Variants in SAT2 observed in about 807,000 individuals in gnomAD.
SAT2 encodes the protein thialysine N-epsilon-acetyltransferase.
Under a neutral mutation model 24.8 loss-of-function variants are expected in SAT2, and 19 were observed. The ratio of observed to expected loss-of-function variants is 0.77; its 90% CI spans 0.53 to 1.12. The LOEUF (loss-of-function observed/expected upper bound fraction) is 1.12. Ranked by LOEUF, SAT2 falls within the 50% of genes most tolerant of loss-of-function variation. SAT2 has a pLI of 0.00. For missense variants in SAT2, 190 were observed against 210.7 expected (o/e 0.90, Z 0.61); for synonymous variants, 77 against 77.4 (o/e 0.99, Z 0.03).
Position 7,627,145 on chromosome 17 carries a change from A to G in SAT2, c.200T>C (p.Leu67Pro), listed in dbSNP as rs2072237799. The G allele has an allele frequency of 6.2e-7, 1 of 1,614,042 alleles. No individual in the cohort carries two copies. The highest frequency in any genetic ancestry group is 8.5e-7 in the Non-Finnish European group (1 of 1,180,034). ...TTCTAAGGGCCAGGTGCTCTTACCC[A>G]GTAGCTTCCCGGGCGCTGGAAGAAT... ...AEILPAPGKL[L>P]GPCVVGYGIY... The change falls in exon 3 of 6, where the codon CTG (leucine) becomes CCG (proline). Residue 67 changes from leucine (L) to proline (P), a missense_variant and splice_region_variant. Physicochemically the swap from Leu to Pro is moderately conservative, Grantham distance 98. Transcript: ENST00000269298. This position sits in a 1 kb window ranked among gnomAD's most constrained non-coding sequence, Gnocchi z 4.8.
chr17:7,627,611 C>T lies in SAT2; in HGVS notation c.25G>A (p.Ala9Thr), dbSNP rs141081070. Residue 9 changes from alanine (A) to threonine (T), a missense_variant, in exon 1 of 6, where the codon GCC becomes ACC. Coordinates refer to ENST00000269298, the MANE Select transcript of SAT2 (RefSeq NM_133491.5). This position sits in a 1 kb window ranked among gnomAD's most constrained non-coding sequence, Gnocchi z 4.8. Reference protein sequence around the residue: MASVRIREAKEGDCGDILR... With the variant: MASVRIRETKEGDCGDILR... ...ATATCTCCACAGTCTCCCTCCTTGG[C>T]CTCTCGGATCCGCACGGAAGCCATC... The T allele has an allele frequency of 4.9e-5, 79 of 1,613,184 alleles. No homozygotes were observed. The African/African-American group carries it at 9.2e-4, about 19-fold the overall frequency.
chr17:7,627,424 G>A lies in SAT2; in HGVS notation c.67-10C>T. ...CGAATTCGGCTAGCTCCTAAGGCGT[G>A]GGTACGGAAGCTAGATTAGAGCAGA... On this transcript the variant is annotated splice_polypyrimidine_tract_variant and intron_variant, in intron 1 of 5. Transcript: ENST00000269298. This position sits in a 1 kb window ranked among gnomAD's most constrained non-coding sequence, Gnocchi z 4.8. The A allele has an allele frequency of 6.2e-7, 1 of 1,614,032 alleles. No homozygotes were observed. The highest frequency in any genetic ancestry group is 8.5e-7 in the Non-Finnish European group (1 of 1,179,982).
intron 4 of SAT2, 40 bp downstream of exon 4, chr17:7,626,903 G>A (rs1406432254): frequency 1.2e-6 from 2 of 1,602,040 alleles, no homozygotes; most frequent in Non-Finnish European, 1.7e-6. Context: ...GGTCTGTGGG[G>A]TGCTTTGCTC....
rs772895399 is a variant in SAT2, at chr17:7,627,365, T to C, written c.116A>G (p.Glu39Gly). ...KLSDQVKISE[E>G]ALRADGFGDN... ...GAACCTGGGCGCTGAGCCCCCACCT[T>C]CTTCACTGATCTTCACCTGATCCGA... is the stretch of plus-strand genomic sequence containing the variant. The change falls in exon 2 of 6, where the codon GAA (glutamate) becomes GGA (glycine). Residue 39 changes from glutamate (E) to glycine (G), a missense_variant and splice_region_variant. By Grantham distance (98) the Glu-to-Gly change is moderately conservative (BLOSUM62 -2). Coordinates refer to ENST00000269298, the MANE Select transcript of SAT2 (RefSeq NM_133491.5). The surrounding 1 kb of genome is among the most constrained non-coding windows in gnomAD (Gnocchi z 4.8). 9 of 1,614,050 alleles carry C rather than the reference T, an allele frequency of 5.6e-6. No individual in the cohort carries two copies. Among genetic ancestry groups the C allele is most frequent in the Non-Finnish European group, 7.6e-6 (9 of 1,179,994 alleles).
Position 7,627,318 on chromosome 17 carries a change from A to G in SAT2, c.118+45T>C. ...CTGTCGCCTGGGGAACCCATCCCTC[A>G]TTTCCTCCCCAGCCTCCGCCAGAAC... On this transcript the variant is annotated intron_variant, in intron 2 of 5. Coordinates refer to ENST00000269298, the MANE Select transcript of SAT2 (RefSeq NM_133491.5). The surrounding 1 kb of genome is among the most constrained non-coding windows in gnomAD (Gnocchi z 4.8). 1 of 1,613,614 alleles carries G rather than the reference A, an allele frequency of 6.2e-7. No individual in the cohort carries two copies. The highest frequency in any genetic ancestry group is 8.5e-7 in the Non-Finnish European group (1 of 1,179,660).
In SAT2 at chr17:7,627,737, C is replaced by G; in HGVS notation, c.-102G>C. 50 of 999,340 alleles carry G rather than the reference C, an allele frequency of 5.0e-5. No individual in the cohort carries two copies. Among genetic ancestry groups the G allele is most frequent in the Non-Finnish European group, 6.6e-5 (43 of 651,942 alleles). 61.9% of individuals were successfully genotyped at this position (999,340 alleles called of 1,614,324 possible). A position where few individuals can be genotyped will look rare whatever the true frequency, so the allele number is the denominator to read the frequency against. The stretch of plus-strand genomic sequence containing the variant: ...TTGGATCCTGAAGAGCCTGAGAGAG[C>G]GGGGTGGCGGGAGTCGGGGGGGACG... On this transcript the variant is annotated 5_prime_UTR_variant, in exon 1 of 6. Transcript: ENST00000269298. This position sits in a 1 kb window ranked among gnomAD's most constrained non-coding sequence, Gnocchi z 4.8.
rs1597908845 is a variant in SAT2 at position 7,627,307 on chromosome 17, A to C, written c.118+56T>G. On this transcript the variant is annotated intron_variant, in intron 2 of 5. Coordinates refer to ENST00000269298, the MANE Select transcript of SAT2 (RefSeq NM_133491.5). This position sits in a 1 kb window ranked among gnomAD's most constrained non-coding sequence, Gnocchi z 4.8. ...CCAGCCTGGAGCTGTCGCCTGGGGA[A>C]CCCATCCCTCATTTCCTCCCCAGCC... is the stretch of plus-strand genomic sequence containing the variant. 7 of 1,611,054 alleles carry C rather than the reference A, an allele frequency of 4.3e-6. No individual in the cohort carries two copies. Among genetic ancestry groups the C allele is most frequent in the Non-Finnish European group, 5.1e-6 (6 of 1,177,628 alleles).
chr17:7,626,824 C>T, intron 4 of SAT2, 31 bp from the exon 5 acceptor site: 1 of 1,613,130 alleles, frequency 6.2e-7, no homozygotes, highest in Non-Finnish European at 8.5e-7. Context: ...CAAAAAATAG[C>T]TATTGTTTGA....
chr17:7,627,248 CAA>C lies in SAT2; in HGVS notation c.119-24_119-23del, dbSNP rs766160544. ...AGGGCTGCCGAGATTGGAGTTGTGA[CAA>C]AGAGATAGAGAAAGAGGACGTGGGT... On this transcript the variant is annotated intron_variant, in intron 2 of 5. Transcript: ENST00000269298. This position sits in a 1 kb window ranked among gnomAD's most constrained non-coding sequence, Gnocchi z 4.8. 6.2e-7 allele frequency: 1 copy of C among 1,613,908 alleles called. No homozygotes were observed. Among genetic ancestry groups the C allele is most frequent in the African/African-American group, 1.3e-5 (1 of 75,028 alleles).
Position 7,627,672 on chromosome 17 carries a change from C to A in SAT2, c.-37G>T, listed in dbSNP as rs375233953. 26 of 1,613,304 alleles carry A rather than the reference C, an allele frequency of 1.6e-5. No individual in the cohort carries two copies. Among genetic ancestry groups the A allele is most frequent in the Non-Finnish European group, 2.2e-5 (26 of 1,179,488 alleles). On this transcript the variant is annotated 5_prime_UTR_variant, in exon 1 of 6. The change creates a new upstream start codon in the 5' untranslated region. Transcript: ENST00000269298. This position sits in a 1 kb window ranked among gnomAD's most constrained non-coding sequence, Gnocchi z 4.8. ...CTGTCTGGGACCAAAGTCCCAGGGC[C>A]TCGCAAACGGCAACTAGACCCCTTA...
chr17:7,626,876 A>G, intron 4 of SAT2, 67 bp downstream of exon 4: 9 of 1,601,676 alleles, frequency 5.6e-6, no homozygotes, highest in Non-Finnish European at 7.7e-6. Context: ...GGCTCTGGGG[A>G]CAGGGGATAA....
In SAT2 at chr17:7,626,377, T is replaced by C; in HGVS notation, c.*70A>G. The C allele has an allele frequency of 6.4e-7, 1 of 1,554,838 alleles. No individual in the cohort carries two copies. Among genetic ancestry groups the C allele is most frequent in the Non-Finnish European group, 8.8e-7 (1 of 1,138,726 alleles). The stretch of plus-strand genomic sequence containing the variant: ...GCCTCAGCATCAGTGTCTGTGGACG[T>C]AGTCTCTGAAGAGTGCTTCAGCTGA... On this transcript the variant is annotated 3_prime_UTR_variant, in exon 6 of 6. Coordinates refer to ENST00000269298, the MANE Select transcript of SAT2 (RefSeq NM_133491.5).
Position 7,626,769 on chromosome 17 carries a change from A to G in SAT2, c.329T>C (p.Ile110Thr). 1.9e-6 allele frequency: 3 copies of G among 1,613,906 alleles called. No homozygotes were observed. The highest frequency in any genetic ancestry group is 2.5e-6 in the Non-Finnish European group (3 of 1,179,982). ...YRGQGIGSKI[I>T]KKVAEVALDK... ...TCTCCTCACCTCAGCCACCTTTTTG[A>G]TTATTTTGGAACCAATCCCTTGACC... The change falls in exon 5 of 6, where the codon ATC becomes ACC. Residue 110 changes from isoleucine (I) to threonine (T), a missense_variant. Transcript: ENST00000269298.
At position 7,627,733 on chromosome 17, in the gene SAT2, A is replaced by G; in HGVS notation, c.-98T>C. The G allele has an allele frequency of 1.5e-6, 2 of 1,359,512 alleles. No homozygotes were observed. Among genetic ancestry groups the G allele is most frequent in the African/African-American group, 1.4e-5 (1 of 69,092 alleles). The allele number at this position is 1,359,512 out of a possible 1,614,324, so 84.2% of individuals were successfully genotyped here. The stretch of plus-strand genomic sequence containing the variant: ...GGACTTGGATCCTGAAGAGCCTGAG[A>G]GAGCGGGGTGGCGGGAGTCGGGGGG... On this transcript the variant is annotated 5_prime_UTR_variant, in exon 1 of 6. Coordinates refer to ENST00000269298, the MANE Select transcript of SAT2 (RefSeq NM_133491.5). This position sits in a 1 kb window ranked among gnomAD's most constrained non-coding sequence, Gnocchi z 4.8.
At position 7,627,483 on chromosome 17, in the gene SAT2, G is replaced by A. The variant is rs2072251681; in HGVS notation, c.67-69C>T. On this transcript the variant is annotated intron_variant, in intron 1 of 5. Transcript: ENST00000269298. This position sits in a 1 kb window ranked among gnomAD's most constrained non-coding sequence, Gnocchi z 4.8. ...GCTGCTCCCCGAGCAGGTTCCCAAGGCGAGCCCCTCCCCCTGCCCCCGCCT... is the reference window on the plus strand; with the variant it reads ...GCTGCTCCCCGAGCAGGTTCCCAAGACGAGCCCCTCCCCCTGCCCCCGCCT... 1.9e-6 allele frequency: 3 copies of A among 1,605,400 alleles called. No homozygotes were observed. The highest frequency in any genetic ancestry group is 1.1e-5 in the South Asian group (1 of 90,878).
chr17:7,627,545 C>G lies in SAT2; in HGVS notation c.66+25G>C. On this transcript the variant is annotated intron_variant, in intron 1 of 5. Coordinates refer to ENST00000269298, the MANE Select transcript of SAT2 (RefSeq NM_133491.5). The surrounding 1 kb of genome is among the most constrained non-coding windows in gnomAD (Gnocchi z 4.8). ...GCTCTGGCCGCGCCACTCTGACCCC[C>G]GGGTTACCGGCCTGCAGTCTTCACC... is the stretch of plus-strand genomic sequence containing the variant. 1 of 1,606,884 alleles carries G rather than the reference C, an allele frequency of 6.2e-7. No individual in the cohort carries two copies. The highest frequency in any genetic ancestry group is 2.2e-5 in the East Asian group (1 of 44,840).
Position 7,627,003 on chromosome 17 carries a change from T to C in SAT2, c.244A>G (p.Ser82Gly). The C allele has an allele frequency of 6.2e-7, 1 of 1,613,922 alleles. No individual in the cohort carries two copies. The highest frequency in any genetic ancestry group is 1.7e-5 in the Admixed American group (1 of 59,984). The change falls in exon 4 of 6, where the codon AGT becomes GGT. Residue 82 changes from serine (S) to glycine (G), a missense_variant. By Grantham distance (56) the Ser-to-Gly change is moderately conservative. Transcript: ENST00000269298. The surrounding 1 kb of genome is among the most constrained non-coding windows in gnomAD (Gnocchi z 4.8). ...VGYGIYYFIYSTWKGRTIYLE... is the reference protein window; with the variant it reads ...VGYGIYYFIYGTWKGRTIYLE... Reference sequence around the variant, plus strand: ...TAAATGGTGCGTCCCTTCCATGTACTGTAGATGAAATAGTATATCCCATAG... The same window carrying C: ...TAAATGGTGCGTCCCTTCCATGTACCGTAGATGAAATAGTATATCCCATAG...
Position 7,626,312 on chromosome 17 carries a change from C to G in SAT2, c.*135G>C, listed in dbSNP as rs1412913419. 20 of 918,994 alleles carry G rather than the reference C, an allele frequency of 2.2e-5. No homozygotes were observed. Among genetic ancestry groups the G allele is most frequent in the Non-Finnish European group, 3.0e-5 (18 of 592,268 alleles). The allele number at this position is 918,994 out of a possible 1,614,324, so 56.9% of individuals were successfully genotyped here. On this transcript the variant is annotated 3_prime_UTR_variant, in exon 6 of 6. Coordinates refer to ENST00000269298, the MANE Select transcript of SAT2 (RefSeq NM_133491.5). ...CTCCCTCAATTCTGCTCTTCCAATA[C>G]TTGAGGATAGGCACCCCTAACCCTC...
chr17:7,627,457 C>A lies in SAT2; in HGVS notation c.67-43G>T, dbSNP rs73979514. The A allele has an allele frequency of 9.6e-4, 1,549 of 1,609,384 alleles. 17 individuals carry two copies. In the African/African-American group the frequency reaches 0.018, roughly 18 times the overall value. ...AAGCTAGATTAGAGCAGAAGGGCCC[C>A]GCTGCTCCCCGAGCAGGTTCCCAAG... is the stretch of plus-strand genomic sequence containing the variant. On this transcript the variant is annotated intron_variant, in intron 1 of 5. Coordinates refer to ENST00000269298, the MANE Select transcript of SAT2 (RefSeq NM_133491.5). This position sits in a 1 kb window ranked among gnomAD's most constrained non-coding sequence, Gnocchi z 4.8.
Sources: allele counts gnomAD v4.1 joint callset, GRCh38; gene constraint gnomAD v4.1.1; non-coding constraint Gnocchi (gnomAD v3.1); transcripts MANE v1.5; gene names NCBI Gene and HGNC (gene_info 2026-07-23, HGNC 2026-07-21).